The following SLC9A9 variants were observed in gnomAD, a reference collection of about 807,000 sequenced individuals.
The protein encoded by SLC9A9 is sodium/hydrogen exchanger 9.
Under a neutral mutation model 77.8 loss-of-function variants are expected in SLC9A9, and 62 were observed. The observed-to-expected ratio is 0.80, with a 90% CI of 0.65 to 0.98. The LOEUF (loss-of-function observed/expected upper bound fraction) is 0.98, where lower values mean the gene tolerates loss of function less well. Among genes scored for constraint, SLC9A9 ranks in the 50% least tolerant of loss-of-function variants. The probability of loss-of-function intolerance (pLI) is 0.00; values close to 1 mark genes in which losing one functional copy is unlikely to be tolerated. For synonymous variants in SLC9A9, 320 were observed against 283.5 expected (o/e 1.13, Z -1.29); for missense variants, 775 against 774.9 (o/e 1.00, Z 0.00).
At chr3:143,786,753 GA>G (rs1469846112) in intron 4 of SLC9A9, among the ~76,000 whole-genome samples, 1 of 152,160 alleles carries the variant, frequency 6.6e-6, no homozygotes, top group Non-Finnish European at 1.5e-5. Flanking sequence ...TGACACCAGT[GA>G]CAGCTATAAC....
intron 2 of SLC9A9, among the ~76,000 whole-genome samples, chr3:143,818,521 C>T (rs546058787): frequency 2.0e-5 from 3 of 151,978 alleles, no homozygotes; most frequent in South Asian, 4.2e-4. Flanking sequence ...TGGCCAGGCT[C>T]GTCATGAACT....
At chr3:143,545,334 A>T (rs1412111021) in intron 9 of SLC9A9, among the ~76,000 whole-genome samples, 3 of 152,088 alleles carry the variant, frequency 2.0e-5, no homozygotes, top group Non-Finnish European at 4.4e-5. Context: ...CATGTTGTGC[A>T]TCCCTCCATG....
Position 143,762,063 on chromosome 3 carries a change from C to T in SLC9A9, c.533+32938G>A, listed in dbSNP as rs374475168. ...GTAGGGACATGAATGAAGCTGGAAA[C>T]CATCATTCTCAGCAAACTATTGCAA... On this transcript the variant is annotated intron_variant, in intron 4 of 15. Coordinates refer to ENST00000316549, the MANE Select transcript of SLC9A9 (RefSeq NM_173653.4). Among the ~76,000 whole-genome samples, 151 of 152,136 alleles carry T rather than the reference C, an allele frequency of 9.9e-4. 2 individuals are homozygous for T. In the Middle Eastern group the frequency reaches 0.014, roughly 14 times the overall value.
rs865818444 is a variant in SLC9A9 at position 143,603,881 on chromosome 3, T to C, written c.756-25158A>G. ...CAGTTAGGGGTCACTGTTTTACTTT[T>C]TGCTTTTACAGAGGGGTGACTTTTA... On this transcript the variant is annotated intron_variant, in intron 6 of 15. Coordinates refer to ENST00000316549, the MANE Select transcript of SLC9A9 (RefSeq NM_173653.4). Among the ~76,000 whole-genome samples the C allele has an allele frequency of 2.0e-5, 3 of 152,338 alleles. No homozygotes were observed. The Middle Eastern group carries it at 0.01, about 518-fold the overall frequency.
intron 14 of SLC9A9, among the ~76,000 whole-genome samples, chr3:143,294,192 T>C (rs1273180878): frequency 6.6e-6 from 1 of 152,226 alleles, no homozygotes; most frequent in Non-Finnish European, 1.5e-5. Context: ...TTTTTATTGT[T>C]GTGGGATTCA....
chr3:143,606,453 T>TATATAC (rs1553770977), intron 6 of SLC9A9, among the ~76,000 whole-genome samples: 5 of 144,302 alleles, frequency 3.5e-5, no homozygotes, highest in Non-Finnish European at 7.6e-5. Context: ...TATATATATA[T>TATATAC]ATATATATGT....
chr3:143,404,727 C>G (rs1244247633), intron 12 of SLC9A9, among the ~76,000 whole-genome samples: 1 of 152,164 alleles, frequency 6.6e-6, no homozygotes, highest in Non-Finnish European at 1.5e-5. Flanking sequence ...TCATTAGCCT[C>G]CTCCCCCATA....
At chr3:143,553,010 T>A (rs2036919075) in intron 8 of SLC9A9, among the ~76,000 whole-genome samples, 1 of 152,070 alleles carries the variant, frequency 6.6e-6, no homozygotes, top group Non-Finnish European at 1.5e-5. Flanking sequence ...GAGACCTTGT[T>A]TTCTCCTGTG....
At chr3:143,392,032 A>T (rs552150503) in intron 12 of SLC9A9, among the ~76,000 whole-genome samples, 1 of 152,292 alleles carries the variant, frequency 6.6e-6, no homozygotes, top group Non-Finnish European at 1.5e-5. Flanking sequence ...ACTCTGCAGG[A>T]TATTATCCAG....
At chr3:143,821,389 A>C (rs537561599) in intron 2 of SLC9A9, among the ~76,000 whole-genome samples, 2 of 152,280 alleles carry the variant, frequency 1.3e-5, no homozygotes, top group African/African-American at 4.8e-5. Context: ...TAACCCACCA[A>C]AGGTAAATCT....
At chr3:143,598,384 G>C (rs1219775946) in intron 6 of SLC9A9, among the ~76,000 whole-genome samples, 4 of 152,244 alleles carry the variant, frequency 2.6e-5, no homozygotes, top group Non-Finnish European at 5.9e-5. Context: ...AGTCCAGGTA[G>C]AGCCAAAGGA....
chr3:143,847,081 C>G, intron 1 of SLC9A9, among the ~76,000 whole-genome samples: 1 of 152,144 alleles, frequency 6.6e-6, no homozygotes, highest in East Asian at 1.9e-4. Context: ...TCTGAAATCA[C>G]AACTATACAC....
At chr3:143,590,178 G>C (rs1013083587) in intron 6 of SLC9A9, among the ~76,000 whole-genome samples, 1 of 152,136 alleles carries the variant, frequency 6.6e-6, no homozygotes, top group African/African-American at 2.4e-5. Context: ...GGTGACTACT[G>C]TCTCTTTAGA....
chr3:143,563,882 G>T (rs1309615840), intron 8 of SLC9A9, among the ~76,000 whole-genome samples: 2 of 152,090 alleles, frequency 1.3e-5, no homozygotes, highest in Non-Finnish European at 2.9e-5. Flanking sequence ...TTGAAGAATT[G>T]CATGGGGTTT....
At chr3:143,601,881 T>C (rs2037850436) in intron 6 of SLC9A9, among the ~76,000 whole-genome samples, 1 of 150,654 alleles carries the variant, frequency 6.6e-6, no homozygotes, top group Admixed American at 6.6e-5. Context: ...TGCCCCCCAC[T>C]GTTCCAACAT....
chr3:143,398,527 G>A (rs2033780433), intron 12 of SLC9A9, among the ~76,000 whole-genome samples: 2 of 152,150 alleles, frequency 1.3e-5, no homozygotes, highest in South Asian at 4.1e-4. Context: ...TGGAGTTTGG[G>A]AAGAGGATCT....
intron 2 of SLC9A9, among the ~76,000 whole-genome samples, chr3:143,830,281 G>GA (rs1427846455): frequency 5.3e-5 from 8 of 152,124 alleles, no homozygotes; most frequent in African/African-American, 1.9e-4. Flanking sequence ...CCCATCTCCA[G>GA]ATGCCATGAT....
intron 12 of SLC9A9, among the ~76,000 whole-genome samples, chr3:143,440,699 C>T (rs1454650070): frequency 6.6e-6 from 1 of 152,244 alleles, no homozygotes; most frequent in South Asian, 2.1e-4. Flanking sequence ...TGTAGTGATA[C>T]TCTCTTTGAT....
chr3:143,272,279 G>A (rs779106837), intron 14 of SLC9A9, among the ~76,000 whole-genome samples: 1 of 152,204 alleles, frequency 6.6e-6, no homozygotes, highest in Non-Finnish European at 1.5e-5. Flanking sequence ...TACAAGGAAA[G>A]GAACCATTAC....
Sources: gnomAD v4.1 joint callset for allele counts (sites outside exome capture counted in the v4.1 genomes callset) on GRCh38, gnomAD v4.1.1 for gene constraint, MANE v1.5 for transcripts, NCBI Gene and HGNC (gene_info 2026-07-23, HGNC 2026-07-21) for gene names.